The following NPSR1 variants were observed in gnomAD, a reference collection of about 807,000 sequenced individuals.
The protein encoded by NPSR1 is neuropeptide S receptor.
A neutral mutation model predicts 46.9 loss-of-function variants in NPSR1; 48 were observed. The ratio of observed to expected loss-of-function variants is 1.02; its 90% CI spans 0.81 to 1.30. The LOEUF is 1.30. NPSR1 is among the 50% of genes most tolerant of loss of function. The pLI, the probability that NPSR1 is intolerant of heterozygous loss-of-function variation, is 0.00. For synonymous variants in NPSR1, 176 were observed against 168.1 expected (o/e 1.05, Z -0.36); for missense variants, 450 against 449.5 (o/e 1.00, Z -0.01).
intron 5 of NPSR1, 24 bp from the exon 6 acceptor site, chr7:34,834,360 T>TAC (rs1235229033): frequency 6.3e-7 from 1 of 1,595,868 alleles, no homozygotes; most frequent in African/African-American, 1.3e-5. Flanking sequence ...GTCACTTTAA[T>TAC]ACTACCTTTG....
intron 4 of NPSR1, among the ~76,000 whole-genome samples, chr7:34,815,643 A>C (rs753271452): frequency 3.9e-5 from 6 of 152,220 alleles, no homozygotes; most frequent in Non-Finnish European, 8.8e-5. Flanking sequence ...AATGAAGGAA[A>C]AAATGTTAAC....
At chr7:34,837,712 TTCAAATGCACACATA>T (rs1415326190) in intron 6 of NPSR1, among the ~76,000 whole-genome samples, 4 of 152,200 alleles carry the variant, frequency 2.6e-5, no homozygotes, top group South Asian at 2.1e-4. Context: ...ACAACTGGTA[TTCAAATGCACACATA>T]TCGAATGCAC....
At chr7:34,814,467 T>C (rs1183407972) in intron 4 of NPSR1, among the ~76,000 whole-genome samples, 1 of 152,178 alleles carries the variant, frequency 6.6e-6, no homozygotes, top group Non-Finnish European at 1.5e-5. Context: ...GGGCAGGACA[T>C]AGCTGAACAA....
intron 8 of NPSR1, among the ~76,000 whole-genome samples, chr7:34,872,635 C>T (rs1791484932): frequency 6.6e-6 from 1 of 151,722 alleles, no homozygotes; most frequent in Non-Finnish European, 1.5e-5. Flanking sequence ...GGAGGCCTCA[C>T]AATCATGGTG....
intron 6 of NPSR1, among the ~76,000 whole-genome samples, chr7:34,837,949 C>T (rs1790430123): frequency 6.6e-6 from 1 of 152,100 alleles, no homozygotes; most frequent in African/African-American, 2.4e-5. Flanking sequence ...CAAGGTCTTC[C>T]TGTACTTTCA....
At chr7:34,675,495 T>C (rs1374464455) in intron 1 of NPSR1, among the ~76,000 whole-genome samples, 1 of 152,238 alleles carries the variant, frequency 6.6e-6, no homozygotes, top group East Asian at 1.9e-4. Flanking sequence ...AATGACCTTT[T>C]CTGTGATTCT....
intron 2 of NPSR1, among the ~76,000 whole-genome samples, chr7:34,699,249 G>A (rs1793695370): frequency 1.3e-5 from 2 of 152,150 alleles, no homozygotes; most frequent in Admixed American, 6.5e-5. Context: ...GGAGGCTTTG[G>A]TGAGTAGATC....
intron 2 of NPSR1, among the ~76,000 whole-genome samples, chr7:34,699,925 T>G (rs1793733753): frequency 6.6e-6 from 1 of 152,156 alleles, no homozygotes; most frequent in Admixed American, 6.5e-5. Context: ...AAGTTCAGGC[T>G]TTGCTTTTAG....
At chr7:34,685,464 G>A (rs1393273659) in intron 2 of NPSR1, among the ~76,000 whole-genome samples, 1 of 152,020 alleles carries the variant, frequency 6.6e-6, no homozygotes, top group Non-Finnish European at 1.5e-5. Flanking sequence ...GGAGCAAGAT[G>A]GCTGTTATAT....
At chr7:34,792,006 A>G (rs1787903130) in intron 3 of NPSR1, among the ~76,000 whole-genome samples, 1 of 152,170 alleles carries the variant, frequency 6.6e-6, no homozygotes. Context: ...AAAACTGGAC[A>G]TCTACATGAG....
In NPSR1 at chr7:34,848,504, C is replaced by T. The variant is rs1289553312; in HGVS notation, c.866C>T (p.Pro289Leu). 5.0e-6 allele frequency: 8 copies of T among 1,614,000 alleles called. No homozygotes were observed. The highest frequency in any genetic ancestry group is 5.9e-6 in the Non-Finnish European group (7 of 1,179,992). ...IILAFICCWS[P>L]YFLFDILDNF... is the part of the protein sequence containing the mutation. The stretch of plus-strand genomic sequence containing the variant: ...CCAGCCTTCATCTGCTGTTGGAGTC[C>T]ATACTTCCTGTTTGACATTTTGGAC... The change falls in exon 8 of 9, where the codon CCA becomes CTA. Residue 289 changes from proline (P) to leucine (L), a missense_variant. Coordinates refer to ENST00000360581, the MANE Select transcript of NPSR1 (RefSeq NM_207172.2).
In NPSR1 at chr7:34,869,889, G is replaced by C. The variant is rs144697614; in HGVS notation, c.1026-8187G>C. On this transcript the variant is annotated intron_variant, in intron 8 of 8. Coordinates refer to the NPSR1 transcript ENST00000359791. ...ATCTCTTCCCTACTCTGCATTCAGT[G>C]ACATTGCTTTGGTAGCTTGAAATCA... Among the ~76,000 whole-genome samples, 22 of 151,896 alleles carry C rather than the reference G, an allele frequency of 1.4e-4. 1 individual carries two copies. The highest frequency in any genetic ancestry group is 5.1e-4 in the African/African-American group (21 of 41,180).
At chr7:34,859,888 G>A (rs563615010) in intron 8 of NPSR1, among the ~76,000 whole-genome samples, 137 of 151,750 alleles carry the variant, frequency 9.0e-4, no homozygotes, top group Non-Finnish European at 1.4e-3. Flanking sequence ...GGGGGTCAGA[G>A]CTCAAGTTCC....
chr7:34,747,208 T>A (rs1458042985), intron 2 of NPSR1, among the ~76,000 whole-genome samples: 1 of 149,638 alleles, frequency 6.7e-6, no homozygotes, highest in Non-Finnish European at 1.5e-5. Flanking sequence ...ATTTGGGGCA[T>A]GAAATAGGAG....
intron 2 of NPSR1, among the ~76,000 whole-genome samples, chr7:34,733,273 A>G (rs1338500837): frequency 1.3e-5 from 2 of 152,176 alleles, no homozygotes; most frequent in East Asian, 3.9e-4. Context: ...TACAAAAATT[A>G]GCCGGGCACG....
intron 3 of NPSR1, among the ~76,000 whole-genome samples, chr7:34,783,990 T>C (rs1787349318): frequency 6.6e-6 from 1 of 151,866 alleles, no homozygotes; most frequent in African/African-American, 2.4e-5. Context: ...ACCAAACCTA[T>C]TTTCCAAAAA....
chr7:34,855,412 T>C (rs1325364952), intron 8 of NPSR1, among the ~76,000 whole-genome samples: 1 of 152,106 alleles, frequency 6.6e-6, no homozygotes, highest in African/African-American at 2.4e-5. Context: ...CTTTAAATGA[T>C]ATCACTATAG....
Position 34,827,334 on chromosome 7 carries a change from C to T in NPSR1, c.479-67C>T. 3 of 1,369,496 alleles carry T rather than the reference C, an allele frequency of 2.2e-6. No homozygotes were observed. The Admixed American group carries it at 5.3e-5, about 24-fold the overall frequency. The allele number at this position is 1,369,496 out of a possible 1,614,324, so 84.8% of individuals were successfully genotyped here. ...GCCCCACAGTGATCCTTTTCTATAG[C>T]AGACTCCATTGTGCTCCCAAAAATG... On this transcript the variant is annotated intron_variant, in intron 4 of 8. Transcript: ENST00000360581.
downstream of NPSR1, among the ~76,000 whole-genome samples, chr7:34,853,884 TA>T (rs1251000490): frequency 9.0e-4 from 136 of 151,606 alleles, no homozygotes; most frequent in African/African-American, 3.2e-3. Flanking sequence ...GAGAATCACT[TA>T]AACCTGGGAG....
Sources: allele counts gnomAD v4.1 joint callset (sites outside exome capture counted in the v4.1 genomes callset), GRCh38; gene constraint gnomAD v4.1.1; transcripts MANE v1.5; gene names NCBI Gene and HGNC (gene_info 2026-07-23, HGNC 2026-07-21).